The following SLAIN2 variants were observed in gnomAD, a reference collection of about 807,000 sequenced individuals.
SLAIN2 encodes SLAIN family member 2, also known as SLAIN motif-containing protein 2.
Under a neutral mutation model 56.6 loss-of-function variants are expected in SLAIN2, and 31 were observed. That is an observed-to-expected ratio of 0.55 (90% confidence interval 0.41 to 0.74). The LOEUF is 0.74. Among genes scored for constraint, SLAIN2 ranks in the 30% least tolerant of loss-of-function variants. SLAIN2 has a pLI of 0.00. For missense variants in SLAIN2, 777 were observed against 754.2 expected (o/e 1.03, Z -0.35); for synonymous variants, 317 against 284.9 (o/e 1.11, Z -1.13).
Position 48,408,530 on chromosome 4 carries a change from C to CAAAAA in SLAIN2, c.1361-11579_1361-11575dup, listed in dbSNP as rs3072283. Among the ~76,000 whole-genome samples the CAAAAA allele has an allele frequency of 3.3e-3, 356 of 108,902 alleles. 3 individuals are homozygous for CAAAAA. The highest frequency in any genetic ancestry group is 9.0e-3 in the African/African-American group (249 of 27,580). The allele number at this position is 108,902 out of a possible 152,430, so 71.4% of individuals were successfully genotyped here. The stretch of plus-strand genomic sequence containing the variant: ...TGTGTGTGTTTCTGTCCGTTTTTAG[C>CAAAAA]AAAAAAAAAAAAAAAAAAAATTCAG... On this transcript the variant is annotated intron_variant, in intron 6 of 7. Coordinates refer to ENST00000264313, the MANE Select transcript of SLAIN2 (RefSeq NM_020846.2).
intron 2 of SLAIN2, among the ~76,000 whole-genome samples, chr4:48,376,362 C>T (rs947255361): frequency 4.8e-5 from 7 of 147,218 alleles, no homozygotes; most frequent in African/African-American, 1.8e-4. Context: ...GGCTGAGGCA[C>T]AAGAATCGTT....
intron 6 of SLAIN2, among the ~76,000 whole-genome samples, chr4:48,393,435 C>G (rs1399306169): frequency 7.0e-6 from 1 of 142,416 alleles, no homozygotes; most frequent in South Asian, 2.2e-4. Flanking sequence ...GACAGAGTCT[C>G]CCTGTGCTGC....
intron 6 of SLAIN2, among the ~76,000 whole-genome samples, chr4:48,398,998 G>C (rs137937207): frequency 0.015 from 2,313 of 152,236 alleles, 42 homozygotes; most frequent in African/African-American, 0.051. Context: ...GGTTCCATAT[G>C]AATTTTAAAA....
chr4:48,383,915 T>C, intron 6 of SLAIN2, 131 bp downstream of exon 6: 3 of 883,652 alleles, frequency 3.4e-6, no homozygotes, highest in Non-Finnish European at 5.0e-6. Context: ...TAGTAAAATT[T>C]AGTGTTTATT....
At chr4:48,418,602 C>T (rs145792632) in intron 6 of SLAIN2, among the ~76,000 whole-genome samples, 3,027 of 152,006 alleles carry the variant, frequency 0.02, 56 homozygotes, top group Non-Finnish European at 0.031. Flanking sequence ...AATATTGATC[C>T]GAAGTTTTCT....
chr4:48,380,429 G>A (rs1046619724), intron 4 of SLAIN2, among the ~76,000 whole-genome samples: 2 of 152,072 alleles, frequency 1.3e-5, no homozygotes, highest in African/African-American at 4.8e-5. Context: ...GGTGTAAACT[G>A]TAAAAAAGAC....
intron 1 of SLAIN2, among the ~76,000 whole-genome samples, chr4:48,363,945 C>A (rs1325844248): frequency 7.4e-6 from 1 of 135,196 alleles, no homozygotes; most frequent in East Asian, 2.2e-4. Context: ...ACCTCCCTCC[C>A]GGACGGGGCG....
intron 2 of SLAIN2, among the ~76,000 whole-genome samples, chr4:48,374,209 A>G (rs776543673): frequency 5.9e-5 from 9 of 152,162 alleles, no homozygotes; most frequent in East Asian, 1.9e-4. Context: ...GTAAAACCTT[A>G]TAGGCCATGT....
At chr4:48,355,053 TG>T (rs1220709954) in intron 1 of SLAIN2, among the ~76,000 whole-genome samples, 1 of 152,094 alleles carries the variant, frequency 6.6e-6, no homozygotes, top group Admixed American at 6.6e-5. Context: ...GGCTGATTTT[TG>T]TGTTTTTAGT....
chr4:48,363,739 C>G (rs1270664280), intron 1 of SLAIN2, among the ~76,000 whole-genome samples: 4 of 86,576 alleles, frequency 4.6e-5, no homozygotes, highest in Non-Finnish European at 8.1e-5. Flanking sequence ...GCTGGCCAGG[C>G]GGGGGGCTGA....
chr4:48,421,048 C>G (rs1221382539), intron 7 of SLAIN2, among the ~76,000 whole-genome samples: 1 of 151,994 alleles, frequency 6.6e-6, no homozygotes, highest in Non-Finnish European at 1.5e-5. Context: ...TGGGGTCTTG[C>G]TTTGTCTCCC....
At chr4:48,360,131 G>A (rs1715279532) in intron 1 of SLAIN2, among the ~76,000 whole-genome samples, 1 of 150,262 alleles carries the variant, frequency 6.7e-6, no homozygotes, top group Admixed American at 6.7e-5. Flanking sequence ...TCCAGCCTGG[G>A]TGGCAGAGCG....
chr4:48,365,116 G>C (rs1488652071), intron 1 of SLAIN2, among the ~76,000 whole-genome samples: 1 of 151,894 alleles, frequency 6.6e-6, no homozygotes, highest in South Asian at 2.1e-4. Context: ...TTTTTGGTAA[G>C]TTATATTTTC....
intron 6 of SLAIN2, among the ~76,000 whole-genome samples, chr4:48,412,367 C>T (rs1444081565): frequency 3.1e-5 from 1 of 32,438 alleles, no homozygotes. Context: ...TGTATATGTA[C>T]ACACACACAC....
intron 1 of SLAIN2, among the ~76,000 whole-genome samples, chr4:48,362,622 T>C (rs969691486): frequency 4.2e-4 from 57 of 135,978 alleles, no homozygotes; most frequent in African/African-American, 1.6e-3. Flanking sequence ...GGTTTCACCG[T>C]GTTAGCCAGG....
intron 1 of SLAIN2, among the ~76,000 whole-genome samples, chr4:48,359,878 G>A (rs925721283): frequency 2.0e-5 from 3 of 152,108 alleles, no homozygotes; most frequent in African/African-American, 7.2e-5. Flanking sequence ...TGGTTAGGCC[G>A]GGCACGGTGG....
At chr4:48,408,530 C>CA (rs3072283) in intron 6 of SLAIN2, among the ~76,000 whole-genome samples, 31,415 of 108,900 alleles carry the variant, frequency 0.29, 5,334 homozygotes, top group East Asian at 0.49. Flanking sequence ...CCGTTTTTAG[C>CA]AAAAAAAAAA....
At chr4:48,413,526 A>T (rs1716919993) in intron 6 of SLAIN2, among the ~76,000 whole-genome samples, 1 of 152,208 alleles carries the variant, frequency 6.6e-6, no homozygotes, top group African/African-American at 2.4e-5. Context: ...TTATTTTTAA[A>T]TACTTGTGTC....
intron 6 of SLAIN2, among the ~76,000 whole-genome samples, chr4:48,392,745 G>A (rs2109770690): frequency 6.6e-6 from 1 of 151,738 alleles, no homozygotes; most frequent in South Asian, 2.1e-4. Flanking sequence ...AACTTAAATC[G>A]CCTACTTCCT....
Sources: gnomAD v4.1 joint callset for allele counts (sites outside exome capture counted in the v4.1 genomes callset) on GRCh38, gnomAD v4.1.1 for gene constraint, MANE v1.5 for transcripts, NCBI Gene and HGNC (gene_info 2026-07-23, HGNC 2026-07-21) for gene names.